Variants in GIN1 observed in about 807,000 individuals in gnomAD.
GIN1 encodes gypsy retrotransposon integrase 1, also known as gypsy retrotransposon integrase-like protein 1.
A neutral mutation model predicts 51.4 loss-of-function variants in GIN1; 41 were observed. The ratio of observed to expected loss-of-function variants is 0.80; its 90% CI spans 0.62 to 1.04. The LOEUF is 1.04. Among genes scored for constraint, GIN1 ranks in the 50% least tolerant of loss-of-function variants. GIN1 has a pLI of 0.00. For synonymous variants in GIN1, 222 were observed against 206.5 expected, an observed-to-expected ratio of 1.07 and a Z score of -0.64; for missense variants, 610 against 612.4, an observed-to-expected ratio of 1.00 and a Z score of 0.04.
Position 103,104,661 on chromosome 5 carries a change from C to G in GIN1, c.519G>C (p.Val173=). ...IMTDLFTKWI[V]ILPLCDVSAS... Reference sequence around the variant, plus strand: ...CTGAAACATCACATAGAGGCAAAATCACAATCCATTTGGTGAACAAATCTG... The same window carrying G: ...CTGAAACATCACATAGAGGCAAAATGACAATCCATTTGGTGAACAAATCTG... The change falls in exon 4 of 8, where the codon GTG becomes GTC. Residue 173 remains valine (V), a synonymous_variant. Coordinates refer to ENST00000399004, the MANE Select transcript of GIN1 (RefSeq NM_017676.2). The G allele has an allele frequency of 6.2e-7, 1 of 1,611,614 alleles. No homozygotes were observed. Among genetic ancestry groups the G allele is most frequent in the Non-Finnish European group, 8.5e-7 (1 of 1,177,806 alleles).
At position 103,097,600 on chromosome 5, in the gene GIN1, A is replaced by C. The variant is rs202047535; in HGVS notation, c.821T>G (p.Val274Gly). Residue 274 changes from valine to glycine, a missense_variant, in exon 5 of 8, where the codon GTA becomes GGA. By Grantham distance (109) the Val-to-Gly change is moderately radical (BLOSUM62 -3). Coordinates refer to ENST00000399004, the MANE Select transcript of GIN1 (RefSeq NM_017676.2). ...HLSAVSFAFN[V>G]THLEPTKNTP... is the part of the protein sequence containing the mutation. The stretch of plus-strand genomic sequence containing the variant: ...TAAAAAGGCACATACCAAGTGAGTT[A>C]CATTGAAGGCAAATGAAACAGCTGA... The C allele has an allele frequency of 6.2e-7, 1 of 1,601,132 alleles. No individual in the cohort carries two copies. The highest frequency in any genetic ancestry group is 8.6e-7 in the Non-Finnish European group (1 of 1,168,698).
In GIN1 at chr5:103,108,634, T is replaced by C; in HGVS notation, c.74A>G (p.His25Arg). The change falls in exon 2 of 8, where the codon CAT (histidine) becomes CGT (arginine). Residue 25 changes from histidine to arginine, a missense_variant. His to Arg is a conservative substitution (Grantham distance 29). Coordinates refer to ENST00000399004, the MANE Select transcript of GIN1 (RefSeq NM_017676.2). ...IAYYKRTGEY[H>R]STTLPSERSG... is the part of the protein sequence containing the mutation. ...TCTCTCACTTGGCAGTGTAGTTGAA[T>C]GATATTCACCAGTTCGTTTGTAATA... 6.2e-7 allele frequency: 1 copy of C among 1,605,276 alleles called. No homozygotes were observed. The highest frequency in any genetic ancestry group is 8.5e-7 in the Non-Finnish European group (1 of 1,172,782).
At chr5:103,091,207 T>C (rs1435690766) in intron 7 of GIN1, among the ~76,000 whole-genome samples, 25 of 152,222 alleles carry the variant, frequency 1.6e-4, no homozygotes, top group African/African-American at 5.8e-4. Context: ...TGGCCTTACA[T>C]GTTGAACAAG....
chr5:103,107,734 A>C (rs550006418), intron 2 of GIN1, among the ~76,000 whole-genome samples: 1 of 152,258 alleles, frequency 6.6e-6, no homozygotes, highest in South Asian at 2.1e-4. Context: ...TTTGTTACAT[A>C]AATTATCAAA....
Position 103,096,559 on chromosome 5 carries a change from T to C in GIN1, c.1276A>G (p.Arg426Gly). ...TATTTACCTTGTTCACTGGATTCTC[T>C]TATGTAGGGCTTAAGGTGGGACATT... ...IKMSHLKPYI[R>G]ESSEQESLYL... is the part of the protein sequence containing the mutation. The change falls in exon 7 of 8, where the codon AGA becomes GGA. Residue 426 changes from arginine (R) to glycine (G), a missense_variant. Transcript: ENST00000399004. The C allele has an allele frequency of 6.2e-7, 1 of 1,611,928 alleles. No individual in the cohort carries two copies.
Position 103,110,760 on chromosome 5 carries a change from A to C in GIN1, c.-7-2046T>G, listed in dbSNP as rs535228534. 8.6e-4 allele frequency among the ~76,000 whole-genome samples: 131 copies of C among 152,344 alleles called. 1 individual carries two copies. The highest frequency in any genetic ancestry group is 2.9e-3 in the African/African-American group (122 of 41,590). On this transcript the variant is annotated intron_variant, in intron 1 of 7. Transcript: ENST00000399004. ...CAGTGAAATTAGTCTATGACTATCA[A>C]AATATGTGTACAAAAATGTTCATAG... is the stretch of plus-strand genomic sequence containing the variant.
At chr5:103,111,598 C>A (rs755963448) in intron 1 of GIN1, among the ~76,000 whole-genome samples, 15 of 152,018 alleles carry the variant, frequency 9.9e-5, no homozygotes, top group Non-Finnish European at 2.1e-4. Flanking sequence ...CTTTTTCAGG[C>A]CTGTAAAAGC....
chr5:103,092,682 C>T (rs1787279139), intron 7 of GIN1, among the ~76,000 whole-genome samples: 2 of 80,354 alleles, frequency 2.5e-5, no homozygotes, highest in Non-Finnish European at 4.8e-5. Context: ...CACAATGGCT[C>T]ACACTTGTAA....
rs554410169 is a variant in GIN1 at position 103,108,620 on chromosome 5, G to C, written c.88C>G (p.Pro30Ala). Residue 30 changes from proline (P) to alanine (A), a missense_variant, in exon 2 of 8, where the codon CCA (proline) becomes GCA (alanine). Pro to Ala is a conservative substitution (Grantham distance 27). Transcript: ENST00000399004. ...RTGEYHSTTLPSERSGIRRAA... is the reference protein window; with the variant it reads ...RTGEYHSTTLASERSGIRRAA... ...CTTCTTATGCCACTTCTCTCACTTG[G>C]CAGTGTAGTTGAATGATATTCACCA... 6.2e-7 allele frequency: 1 copy of C among 1,604,456 alleles called. No individual in the cohort carries two copies. The highest frequency in any genetic ancestry group is 1.1e-5 in the South Asian group (1 of 90,146).
chr5:103,114,087 T>C (rs1562337097), intron 1 of GIN1, among the ~76,000 whole-genome samples: 1 of 151,546 alleles, frequency 6.6e-6, no homozygotes, highest in African/African-American at 2.4e-5. Context: ...AATGAACTTT[T>C]ATTGCTATTT....
chr5:103,111,162 C>T (rs1263816050), intron 1 of GIN1, among the ~76,000 whole-genome samples: 3 of 151,392 alleles, frequency 2.0e-5, no homozygotes, highest in Non-Finnish European at 4.4e-5. Flanking sequence ...TCTAGCTCTG[C>T]ATTAATCGTC....
In GIN1 at chr5:103,087,947, G is replaced by A. The variant is rs1554194082; in HGVS notation, c.1520C>T (p.Thr507Ile). 1 of 1,595,582 alleles carries A rather than the reference G, an allele frequency of 6.3e-7. No homozygotes were observed. The highest frequency in any genetic ancestry group is 1.1e-5 in the South Asian group (1 of 90,026). ...GTTTGAAGAGTCCAACAGACTGAAAGTCTGCTTTTCAAGAGAACTATGATC... is the reference window on the plus strand; with the variant it reads ...GTTTGAAGAGTCCAACAGACTGAAAATCTGCTTTTCAAGAGAACTATGATC... ...IDDHSSLEKQ[T>I]FSLLDSSNQV... Residue 507 changes from threonine to isoleucine, a missense_variant, in exon 8 of 8, where the codon ACT (threonine) becomes ATT (isoleucine). Transcript: ENST00000399004.
chr5:103,100,779 TA>T (rs1554195708), intron 4 of GIN1, among the ~76,000 whole-genome samples: 1 of 152,160 alleles, frequency 6.6e-6, no homozygotes, highest in African/African-American at 2.4e-5. Context: ...TAGCTAATCA[TA>T]ATGGCTTCAT....
intron 4 of GIN1, among the ~76,000 whole-genome samples, chr5:103,101,350 A>G (rs1459404604): frequency 1.3e-5 from 2 of 152,206 alleles, no homozygotes; most frequent in African/African-American, 4.8e-5. Flanking sequence ...CTATACGCAG[A>G]ATGGTGTGCA....
At chr5:103,109,849 A>T (rs1554196749) in intron 1 of GIN1, among the ~76,000 whole-genome samples, 1 of 152,128 alleles carries the variant, frequency 6.6e-6, no homozygotes, top group Non-Finnish European at 1.5e-5. Flanking sequence ...CTTTTTATAC[A>T]AATAAAGTAA....
intron 1 of GIN1, among the ~76,000 whole-genome samples, chr5:103,119,747 C>G (rs1554198210): frequency 1.3e-5 from 2 of 152,114 alleles, no homozygotes; most frequent in East Asian, 1.9e-4. Context: ...TTGGGCGACT[C>G]GTTAACGGAA....
At chr5:103,119,231 A>G (rs1295906597) in intron 1 of GIN1, among the ~76,000 whole-genome samples, 2 of 152,220 alleles carry the variant, frequency 1.3e-5, no homozygotes, top group African/African-American at 4.8e-5. Flanking sequence ...AAAAGGTTAT[A>G]ATACCCGCTG....
chr5:103,088,381 A>G (rs1787139982), intron 7 of GIN1, among the ~76,000 whole-genome samples: 1 of 152,250 alleles, frequency 6.6e-6, no homozygotes, highest in Non-Finnish European at 1.5e-5. Context: ...TAAACAATGC[A>G]GGAAAGGTCA....
intron 1 of GIN1, among the ~76,000 whole-genome samples, chr5:103,112,025 C>T (rs781856345): frequency 2.2e-4 from 34 of 151,408 alleles, no homozygotes; most frequent in Non-Finnish European, 3.4e-4. Flanking sequence ...GAAAGTAGAT[C>T]GAAATAGAGA....
Sources: gnomAD v4.1 joint callset for allele counts (sites outside exome capture counted in the v4.1 genomes callset) on GRCh38, gnomAD v4.1.1 for gene constraint, MANE v1.5 for transcripts, NCBI Gene and HGNC (gene_info 2026-07-23, HGNC 2026-07-21) for gene names.